Variants in CCDC7 observed in about 807,000 individuals in gnomAD.
CCDC7 encodes the protein coiled-coil domain-containing protein 7.
In CCDC7, 183 loss-of-function variants were observed where a neutral mutation model predicts 196.9. That is an observed-to-expected ratio of 0.93 (90% CI 0.82 to 1.05). The LOEUF is 1.05. CCDC7 is among the 50% of genes least tolerant of loss of function. CCDC7 has a pLI of 0.00. For missense variants in CCDC7, 1,540 were observed against 1,482.2 expected, an observed-to-expected ratio of 1.04 and a Z score of -0.64; for synonymous variants, 525 against 484.6, an observed-to-expected ratio of 1.08 and a Z score of -1.10.
intron 29 of CCDC7, among the ~76,000 whole-genome samples, chr10:32,785,420 T>C (rs1423631256): frequency 1.3e-5 from 2 of 152,206 alleles, no homozygotes; most frequent in African/African-American, 4.8e-5. Flanking sequence ...TAAATTAAAT[T>C]TAAAACACTA....
intron 15 of CCDC7, 63 bp downstream of exon 16, chr10:32,567,954 T>C: frequency 6.9e-7 from 1 of 1,455,470 alleles, no homozygotes; most frequent in Non-Finnish European, 9.2e-7. Flanking sequence ...TTTTATATTA[T>C]TATTTACTTC....
intron 9 of CCDC7, among the ~76,000 whole-genome samples, chr10:32,500,175 C>G (rs998811947): frequency 6.8e-6 from 1 of 147,900 alleles, no homozygotes; most frequent in African/African-American, 2.5e-5. Flanking sequence ...CCAGACGGGG[C>G]GGCTGGGCAG....
At chr10:32,741,602 CGT>C (rs903980452) in intron 28 of CCDC7, among the ~76,000 whole-genome samples, 13 of 152,146 alleles carry the variant, frequency 8.5e-5, no homozygotes, top group African/African-American at 2.9e-4. Flanking sequence ...AAAAAAGCCA[CGT>C]ATGAGTGGAC....
intron 13 of CCDC7, among the ~76,000 whole-genome samples, chr10:32,549,329 A>G (rs956383072): frequency 2.0e-5 from 3 of 152,080 alleles, no homozygotes; most frequent in African/African-American, 7.2e-5. Context: ...TGTCAGATGT[A>G]TGGATTGTGA....
intron 22 of CCDC7, 84 bp downstream of exon 23, chr10:32,686,164 A>G: frequency 1.5e-6 from 1 of 650,624 alleles, no homozygotes; most frequent in Non-Finnish European, 2.5e-6. Flanking sequence ...TGAATCTTGA[A>G]TTTACAGAAA....
At chr10:32,617,095 GT>G (rs2062863240) in intron 18 of CCDC7, among the ~76,000 whole-genome samples, 1 of 151,720 alleles carries the variant, frequency 6.6e-6, no homozygotes, top group East Asian at 1.9e-4. Flanking sequence ...GTTGATAATA[GT>G]CACTGATGAT....
intron 39 of CCDC7, 75 bp from the exon 41 acceptor site, chr10:32,851,732 T>A (rs2093572143): frequency 4.4e-6 from 6 of 1,373,404 alleles, no homozygotes; most frequent in Non-Finnish European, 6.1e-6. Flanking sequence ...TGTGTGCATA[T>A]ATACTGTGTG....
At chr10:32,842,472 G>A (rs2093034238) in intron 33 of CCDC7, among the ~76,000 whole-genome samples, 1 of 152,154 alleles carries the variant, frequency 6.6e-6, no homozygotes, top group Non-Finnish European at 1.5e-5. Context: ...CAGCGAAAAG[G>A]AAACATTTTT....
At chr10:32,754,893 C>T (rs754553216) in intron 28 of CCDC7, among the ~76,000 whole-genome samples, 11 of 152,080 alleles carry the variant, frequency 7.2e-5, no homozygotes, top group African/African-American at 2.7e-4. Flanking sequence ...ACAGATGGTA[C>T]CTGGAAAATT....
At chr10:32,559,002 A>C (rs1055320211) in intron 13 of CCDC7, among the ~76,000 whole-genome samples, 3 of 152,248 alleles carry the variant, frequency 2.0e-5, no homozygotes, top group African/African-American at 4.8e-5. Context: ...AAAACAGCGC[A>C]CCAGGAGATT....
chr10:32,847,880 AT>A lies in CCDC7; in HGVS notation c.3738del (p.Ile1246MetfsTer4). On this transcript the variant is annotated frameshift_variant, in exon 38 of 42. Transcript: ENST00000639629. LOFTEE classifies it high-confidence loss of function. ...AAATGCCATTGGTTCAAGTAAAACAATTGGTGAGATAAAGACACAACTAAGG... is the reference window on the plus strand; with the variant it reads ...AAATGCCATTGGTTCAAGTAAAACAATGGTGAGATAAAGACACAACTAAGG... 1 of 1,611,186 alleles carries A rather than the reference AT, an allele frequency of 6.2e-7. No individual in the cohort carries two copies. The highest frequency in any genetic ancestry group is 8.5e-7 in the Non-Finnish European group (1 of 1,178,116).
chr10:32,690,195 T>G (rs1762524), intron 23 of CCDC7, among the ~76,000 whole-genome samples: 52,158 of 151,990 alleles, frequency 0.34, 11,342 homozygotes, highest in Non-Finnish European at 0.49. Context: ...CACTGGTGAG[T>G]CATTAGAGCA....
chr10:32,683,579 T>G (rs913646130), intron 21 of CCDC7, among the ~76,000 whole-genome samples: 4 of 152,208 alleles, frequency 2.6e-5, no homozygotes, highest in African/African-American at 9.6e-5. Flanking sequence ...TATGGCAATT[T>G]TAGCAATATT....
At chr10:32,518,001 A>G in intron 10 of CCDC7, 26 bp downstream of exon 11, 1 of 1,553,406 alleles carries the variant, frequency 6.4e-7, no homozygotes, top group African/African-American at 1.4e-5. Flanking sequence ...TCAATTTGAA[A>G]TTACACTTTG....
intron 28 of CCDC7, among the ~76,000 whole-genome samples, chr10:32,751,748 G>A (rs1592342332): frequency 6.6e-6 from 1 of 152,102 alleles, no homozygotes; most frequent in East Asian, 1.9e-4. Flanking sequence ...ATGGGGGCTT[G>A]TGCTGATACC....
rs2034099356 is a variant in CCDC7, at chr10:32,455,349, G to A, written c.373-902G>A. ...TATTTTTTTGAGACAGAGTCTCGCT[G>A]TGTCACCTAGGCTGGAGTGCAGTGG... On this transcript the variant is annotated intron_variant, in intron 2 of 41. Transcript: ENST00000639629. Among the ~76,000 whole-genome samples, 3 of 151,636 alleles carry A rather than the reference G, an allele frequency of 2.0e-5. No individual in the cohort carries two copies. In the South Asian group the frequency reaches 6.2e-4, roughly 32 times the overall value.
At chr10:32,876,252 C>T in intron 41 of CCDC7, 95 bp from the exon 43 acceptor site, 1 of 858,028 alleles carries the variant, frequency 1.2e-6, no homozygotes, top group South Asian at 1.6e-5. Context: ...ATTATTCATA[C>T]ATTCTGTTTT....
At chr10:32,726,757 G>T in exon 26 of CCDC7, 2 of 1,598,518 alleles carry the variant, frequency 1.3e-6, no homozygotes, top group Non-Finnish European at 1.7e-6. Flanking sequence ...TTCTATGTTT[G>T]TTCATCAAGA....
chr10:32,789,628 T>C (rs977018360), intron 29 of CCDC7, among the ~76,000 whole-genome samples: 2 of 151,510 alleles, frequency 1.3e-5, no homozygotes, highest in African/African-American at 2.4e-5. Flanking sequence ...CCCAAAAGCA[T>C]GCATTGGAAA....
Sources: gnomAD v4.1 joint callset for allele counts (sites outside exome capture counted in the v4.1 genomes callset) on GRCh38, gnomAD v4.1.1 for gene constraint, MANE v1.5 for transcripts, NCBI Gene and HGNC (gene_info 2026-07-23, HGNC 2026-07-21) for gene names.